ACAD10: variants seen among roughly 807,000 people sequenced by gnomAD.
The protein encoded by ACAD10 is ACAD-10.
ACAD10 carries 112 observed loss-of-function variants against 116.8 expected under a neutral mutation model. The ratio of observed to expected loss-of-function variants is 0.96; its 90% CI spans 0.82 to 1.12. The LOEUF (loss-of-function observed/expected upper bound fraction) is 1.12, where lower values mean the gene tolerates loss of function less well. Among genes scored for constraint, ACAD10 ranks in the 50% most tolerant of loss-of-function variants. ACAD10 has a pLI of 0.00. For synonymous variants in ACAD10, 486 were observed against 510.6 expected, an observed-to-expected ratio of 0.95 and a Z score of 0.65; for missense variants, 1,259 against 1,350.2, an observed-to-expected ratio of 0.93 and a Z score of 1.06.
intron 11 of ACAD10, among the ~76,000 whole-genome samples, chr12:111,735,674 C>T (rs1889530162): frequency 6.6e-6 from 1 of 152,118 alleles, no homozygotes; most frequent in Non-Finnish European, 1.5e-5. Flanking sequence ...CCAGGATGGT[C>T]TCGATCTCCT....
At chr12:111,714,066 G>A (rs1056647524) in intron 6 of ACAD10, among the ~76,000 whole-genome samples, 2 of 151,066 alleles carry the variant, frequency 1.3e-5, no homozygotes, top group Non-Finnish European at 3.0e-5. Flanking sequence ...CCAATATGGC[G>A]AAACCCCATC....
rs777137964 is a variant in ACAD10, at chr12:111,749,277, G to A, written c.2749G>A (p.Gly917Ser). 41 of 1,613,908 alleles carry A rather than the reference G, an allele frequency of 2.5e-5. 1 individual carries two copies. In the Middle Eastern group the frequency reaches 6.6e-4, roughly 26 times the overall value. The change falls in exon 18 of 21, where the codon GGC (glycine) becomes AGC (serine). Residue 917 changes from glycine to serine, a missense_variant. By Grantham distance (56) the Gly-to-Ser change is moderately conservative. Coordinates refer to ENST00000313698, the MANE Select transcript of ACAD10 (RefSeq NM_025247.6). ...GATCGCCCAGGGCAGACTGGGCCCC[G>A]GCAGGATCCATCACTGCATGAGGCT... ...FEIAQGRLGP[G>S]RIHHCMRLIG... is the part of the protein sequence containing the mutation.
At chr12:111,703,977 A>T (rs1007658679) in intron 3 of ACAD10, among the ~76,000 whole-genome samples, 4 of 151,672 alleles carry the variant, frequency 2.6e-5, no homozygotes, top group African/African-American at 7.3e-5. Context: ...ATGCAAAGTG[A>T]AAGAAGCCAG....
chr12:111,710,656 G>T (rs138905723), intron 5 of ACAD10, among the ~76,000 whole-genome samples: 42 of 151,776 alleles, frequency 2.8e-4, no homozygotes, highest in African/African-American at 9.9e-4. Context: ...CACCATGCCC[G>T]GTTAATTTTT....
intron 10 of ACAD10, chr12:111,733,714 C>A: frequency 1.7e-6 from 1 of 592,290 alleles, no homozygotes; most frequent in Non-Finnish European, 3.0e-6. Context: ...CAGGCCCTTT[C>A]CCATCTCCTG....
At chr12:111,708,010 T>C (rs1888561573) in intron 4 of ACAD10, among the ~76,000 whole-genome samples, 1 of 152,228 alleles carries the variant, frequency 6.6e-6, no homozygotes, top group Admixed American at 6.5e-5. Context: ...GTCCATGCTT[T>C]TCTCTTATCA....
At chr12:111,709,836 A>G (rs1024516593) in intron 5 of ACAD10, 152 bp downstream of exon 5, 16 of 875,058 alleles carry the variant, frequency 1.8e-5, no homozygotes, top group South Asian at 7.4e-5. Flanking sequence ...TATGAAATCT[A>G]TGTGACTAGC....
chr12:111,756,472 A>G lies in ACAD10; in HGVS notation c.3179A>G (p.Ter1060TrpextTer21). ...AAGCTAGAGCTGAAGCACCGCATTT[A>G]GAGCCTTGGGGCTGCAGTGGCTCAA... is the stretch of plus-strand genomic sequence containing the variant. ...VAKLELKHRI[*>W] The change falls in exon 21 of 21, where the codon TAG becomes TGG. Residue 1060 changes from the stop codon to tryptophan (W), a stop_lost. Transcript: ENST00000313698. 6.2e-7 allele frequency: 1 copy of G among 1,612,196 alleles called. No homozygotes were observed. Among genetic ancestry groups the G allele is most frequent in the Non-Finnish European group, 8.5e-7 (1 of 1,179,720 alleles).
chr12:111,751,790 G>A (rs1890078603), intron 18 of ACAD10, among the ~76,000 whole-genome samples: 1 of 151,960 alleles, frequency 6.6e-6, no homozygotes, highest in African/African-American at 2.4e-5. Flanking sequence ...TGGGTGTGGT[G>A]GCTCATACCT....
At chr12:111,712,347 G>A in intron 5 of ACAD10, 151 bp from the exon 6 acceptor site, 1 of 651,572 alleles carries the variant, frequency 1.5e-6, no homozygotes, top group East Asian at 3.0e-5. Flanking sequence ...TTGACTGCTG[G>A]CACCTGTTCA....
chr12:111,702,457 G>T, intron 3 of ACAD10, 147 bp downstream of exon 3: 2 of 1,173,886 alleles, frequency 1.7e-6, no homozygotes, highest in Admixed American at 2.6e-5. Flanking sequence ...TAGGCCAGGC[G>T]CAGTGGCTCA....
chr12:111,734,158 C>T (rs751754383), intron 11 of ACAD10, 90 bp downstream of exon 11: 13 of 1,570,570 alleles, frequency 8.3e-6, no homozygotes, highest in South Asian at 4.5e-5. Flanking sequence ...CGTGATTGGG[C>T]GGGGGAAGTG....
rs1357802501 is a variant in ACAD10 at position 111,709,792 on chromosome 12, CTG to C, written c.690+112_690+113del. 3.3e-6 allele frequency: 4 copies of C among 1,222,430 alleles called. No homozygotes were observed. In the Admixed American group the frequency reaches 7.9e-5, roughly 24 times the overall value. 75.7% of individuals were successfully genotyped at this position (1,222,430 alleles called of 1,614,324 possible). A position where few individuals can be genotyped will look rare whatever the true frequency, so the allele number is the denominator to read the frequency against. ...CTCTAGCTTTCCTTAGGGTTTCCCC[CTG>C]TGTTTCCATAGTCATCTTATTTTGT... On this transcript the variant is annotated intron_variant, in intron 5 of 20. Transcript: ENST00000313698.
chr12:111,729,668 A>T, intron 9 of ACAD10, 138 bp from the exon 10 acceptor site: 1 of 1,015,984 alleles, frequency 9.8e-7, no homozygotes, highest in Non-Finnish European at 1.4e-6. Context: ...GAAATTCTCC[A>T]GTCATAGGAA....
chr12:111,705,930 G>C lies in ACAD10; in HGVS notation c.529G>C (p.Val177Leu). 6.2e-7 allele frequency: 1 copy of C among 1,613,978 alleles called. No homozygotes were observed. The highest frequency in any genetic ancestry group is 8.5e-7 in the Non-Finnish European group (1 of 1,179,892). Residue 177 changes from valine (V) to leucine (L), a missense_variant and splice_region_variant, in exon 4 of 21, where the codon GTG becomes CTG. By Grantham distance (32) the Val-to-Leu change is conservative. Coordinates refer to ENST00000313698, the MANE Select transcript of ACAD10 (RefSeq NM_025247.6). ...GCCCCTGGACCGGAAACAGTTTGAT[G>C]TGGTAAGCTTGAGCTAATTGAAAAC... ...FLPLDRKQFD[V>L]IVESCMEGIC...
chr12:111,747,816 C>A, intron 16 of ACAD10: 2 of 975,826 alleles, frequency 2.0e-6, no homozygotes, highest in Non-Finnish European at 2.5e-6. Context: ...AGCCGTGGAG[C>A]TTACCTCCCG....
chr12:111,723,588 TG>T (rs1889109576), intron 8 of ACAD10, among the ~76,000 whole-genome samples: 1 of 76,214 alleles, frequency 1.3e-5, no homozygotes, highest in Non-Finnish European at 2.7e-5. Context: ...GCTGGCCGGG[TG>T]GGGGGCTGAC....
At chr12:111,756,005 C>A in intron 20 of ACAD10, 1 of 780,240 alleles carries the variant, frequency 1.3e-6, no homozygotes, top group Non-Finnish European at 2.0e-6. Context: ...AAGTAGCTGA[C>A]CTCAAATTCA....
At chr12:111,724,304 G>A (rs891470863) in intron 8 of ACAD10, among the ~76,000 whole-genome samples, 44 of 151,722 alleles carry the variant, frequency 2.9e-4, no homozygotes, top group Non-Finnish European at 4.9e-4. Context: ...GGGCGGAGAC[G>A]CTCCTCACTT....
Sources: gnomAD v4.1 joint callset for allele counts (sites outside exome capture counted in the v4.1 genomes callset) on GRCh38, gnomAD v4.1.1 for gene constraint, MANE v1.5 for transcripts, NCBI Gene and HGNC (gene_info 2026-07-23, HGNC 2026-07-21) for gene names.